PDZRN4: variants seen among roughly 807,000 people sequenced by gnomAD.
PDZRN4 encodes the protein PDZ domain-containing RING finger protein 4.
Under a neutral mutation model 99.0 loss-of-function variants are expected in PDZRN4, and 70 were observed. The observed-to-expected ratio is 0.71, with a 90% CI of 0.58 to 0.86. The LOEUF (loss-of-function observed/expected upper bound fraction) is 0.86. PDZRN4 is among the 40% of genes least tolerant of loss of function. The pLI, the probability that PDZRN4 is intolerant of heterozygous loss-of-function variation, is 0.00. For synonymous variants in PDZRN4, 551 were observed against 501.6 expected, an observed-to-expected ratio of 1.10 and a Z score of -1.32; for missense variants, 1,474 against 1,331.2, an observed-to-expected ratio of 1.11 and a Z score of -1.67.
intron 5 of PDZRN4, among the ~76,000 whole-genome samples, chr12:41,524,231 T>A (rs1251975537): frequency 6.6e-6 from 1 of 152,148 alleles, no homozygotes; most frequent in East Asian, 1.9e-4. Context: ...TGGAAAGACA[T>A]CTCATGTTCC....
chr12:41,226,568 C>T (rs568520919), intron 3 of PDZRN4, among the ~76,000 whole-genome samples: 4 of 151,452 alleles, frequency 2.6e-5, no homozygotes, highest in East Asian at 3.9e-4. Flanking sequence ...AAAAAATGAA[C>T]GTAAGGAAAC....
rs573791667 is a variant in PDZRN4, at chr12:41,274,851, C to T, written c.843+80663C>T. ...TTCCTGTTTACTGAATCACTGGACT[C>T]GCCATTAGGGAAATGTGGTAGGAAA... On this transcript the variant is annotated intron_variant, in intron 3 of 9. Coordinates refer to ENST00000402685, the MANE Select transcript of PDZRN4 (RefSeq NM_001164595.2). Among the ~76,000 whole-genome samples, 28 of 152,210 alleles carry T rather than the reference C, an allele frequency of 1.8e-4. No individual in the cohort carries two copies. In the South Asian group the frequency reaches 5.4e-3, roughly 29 times the overall value.
chr12:41,504,166 G>A (rs1323456021), intron 3 of PDZRN4, among the ~76,000 whole-genome samples: 1 of 152,160 alleles, frequency 6.6e-6, no homozygotes, highest in Non-Finnish European at 1.5e-5. Flanking sequence ...CTACTTGGGT[G>A]GCTGAGGCAG....
At chr12:41,360,728 GC>G (rs1396372039) in intron 3 of PDZRN4, among the ~76,000 whole-genome samples, 1 of 151,922 alleles carries the variant, frequency 6.6e-6, no homozygotes. Flanking sequence ...CCTGAAAGAA[GC>G]TTGACTAAAA....
chr12:41,316,404 A>G (rs945609187), intron 3 of PDZRN4, among the ~76,000 whole-genome samples: 2 of 151,742 alleles, frequency 1.3e-5, no homozygotes, highest in African/African-American at 4.8e-5. Flanking sequence ...TCTAGGAAGC[A>G]TTTCTAATGA....
chr12:41,435,565 G>C (rs957741167), intron 3 of PDZRN4, among the ~76,000 whole-genome samples: 1 of 152,182 alleles, frequency 6.6e-6, no homozygotes, highest in Non-Finnish European at 1.5e-5. Flanking sequence ...GAAGCAGGCA[G>C]ATCACGAGGT....
intron 3 of PDZRN4, among the ~76,000 whole-genome samples, chr12:41,265,308 C>A (rs780069230): frequency 6.6e-6 from 1 of 152,112 alleles, no homozygotes; most frequent in South Asian, 2.1e-4. Context: ...ATCATCAACC[C>A]AAGTTATATT....
chr12:41,200,769 A>G (rs1195957730), intron 3 of PDZRN4, among the ~76,000 whole-genome samples: 1 of 151,978 alleles, frequency 6.6e-6, no homozygotes, highest in Non-Finnish European at 1.5e-5. Flanking sequence ...CTTCCTTTCA[A>G]TCATCCTGGG....
chr12:41,522,542 G>A (rs1330233562), intron 5 of PDZRN4, among the ~76,000 whole-genome samples: 6 of 152,056 alleles, frequency 3.9e-5, no homozygotes, highest in Admixed American at 3.9e-4. Flanking sequence ...TATTCAATTA[G>A]TTTTACTATC....
At chr12:41,448,478 TTAAAG>T (rs1273257731) in intron 3 of PDZRN4, among the ~76,000 whole-genome samples, 3 of 149,306 alleles carry the variant, frequency 2.0e-5, no homozygotes. Context: ...GCTTCACAAC[TTAAAG>T]TATAGTCAGA....
chr12:41,255,240 T>A (rs2120817895), intron 3 of PDZRN4, among the ~76,000 whole-genome samples: 1 of 152,052 alleles, frequency 6.6e-6, no homozygotes, highest in South Asian at 2.1e-4. Flanking sequence ...GCGCAAGTGA[T>A]CAACAGGGCA....
chr12:41,319,932 T>A (rs748809800), intron 3 of PDZRN4, among the ~76,000 whole-genome samples: 28 of 152,234 alleles, frequency 1.8e-4, no homozygotes, highest in Non-Finnish European at 3.5e-4. Context: ...CCATCTCTGC[T>A]GCTTGTCTTG....
At chr12:41,539,633 T>G (rs1938813110) in intron 5 of PDZRN4, among the ~76,000 whole-genome samples, 1 of 152,158 alleles carries the variant, frequency 6.6e-6, no homozygotes, top group Non-Finnish European at 1.5e-5. Context: ...CCTGCTTCAG[T>G]AACCAGCTGA....
chr12:41,470,643 T>C (rs1469204666), intron 3 of PDZRN4, among the ~76,000 whole-genome samples: 2 of 152,188 alleles, frequency 1.3e-5, no homozygotes, highest in Non-Finnish European at 2.9e-5. Flanking sequence ...TAATGCTATC[T>C]CTTCCCCCTC....
At chr12:41,383,585 C>G (rs1199168969) in intron 3 of PDZRN4, among the ~76,000 whole-genome samples, 1 of 152,112 alleles carries the variant, frequency 6.6e-6, no homozygotes. Context: ...TTAGAAAACC[C>G]CTCCTTTGTA....
At chr12:41,507,933 G>A (rs571485205) in intron 4 of PDZRN4, among the ~76,000 whole-genome samples, 11 of 151,974 alleles carry the variant, frequency 7.2e-5, no homozygotes, top group East Asian at 1.9e-4. Flanking sequence ...TGAACAAAAA[G>A]CAAGGAAACA....
intron 4 of PDZRN4, among the ~76,000 whole-genome samples, chr12:41,509,092 G>A (rs1332141183): frequency 6.6e-6 from 1 of 152,042 alleles, no homozygotes; most frequent in Non-Finnish European, 1.5e-5. Flanking sequence ...CCTAAAAGTT[G>A]AAATACATAA....
chr12:41,288,975 C>T (rs1425171309), intron 3 of PDZRN4, among the ~76,000 whole-genome samples: 1 of 151,940 alleles, frequency 6.6e-6, no homozygotes. Context: ...TAACACATTA[C>T]AATTTTCTCC....
In PDZRN4 at chr12:41,488,299, G is replaced by A. The variant is rs115265761; in HGVS notation, c.844-18157G>A. ...TTCAGTGCATATTAACAGTGTTTAC[G>A]TTATTATTTATTAGGGTGTGCATTA... On this transcript the variant is annotated intron_variant, in intron 3 of 9. Coordinates refer to ENST00000402685, the MANE Select transcript of PDZRN4 (RefSeq NM_001164595.2). Among the ~76,000 whole-genome samples the A allele has an allele frequency of 7.5e-3, 1,139 of 152,236 alleles. 18 individuals carry two copies. Among genetic ancestry groups the A allele is most frequent in the African/African-American group, 0.025 (1,038 of 41,546 alleles).
Sources: gnomAD v4.1 joint callset for allele counts (sites outside exome capture counted in the v4.1 genomes callset) on GRCh38, gnomAD v4.1.1 for gene constraint, MANE v1.5 for transcripts, NCBI Gene and HGNC (gene_info 2026-07-23, HGNC 2026-07-21) for gene names.